Variants in CDH18 observed in about 807,000 individuals in gnomAD.
The protein encoded by CDH18 is cadherin-18.
A neutral mutation model predicts 67.9 loss-of-function variants in CDH18; 31 were observed. The observed-to-expected ratio is 0.46, with a 90% CI of 0.34 to 0.62. The LOEUF (loss-of-function observed/expected upper bound fraction) is 0.62, where lower values mean the gene tolerates loss of function less well. Among genes scored for constraint, CDH18 ranks in the 20% least tolerant of loss-of-function variants. The pLI is 0.01. For synonymous variants in CDH18, 362 were observed against 347.2 expected (o/e 1.04, Z -0.48); for missense variants, 890 against 975.5 (o/e 0.91, Z 1.17).
intron 5 of CDH18, among the ~76,000 whole-genome samples, chr5:19,628,149 C>A (rs1751834843): frequency 6.6e-6 from 1 of 152,078 alleles, no homozygotes; most frequent in South Asian, 2.1e-4. Context: ...CTAAGTCTCA[C>A]GAGATCTGAT....
intron 5 of CDH18, among the ~76,000 whole-genome samples, chr5:19,683,729 A>G (rs1020980615): frequency 6.6e-6 from 1 of 152,110 alleles, no homozygotes; most frequent in Non-Finnish European, 1.5e-5. Context: ...ATGATCCTCA[A>G]CTTTGCACTT....
chr5:19,684,067 C>G lies in CDH18; in HGVS notation c.643+37280G>C, dbSNP rs150557739. 3.9e-5 allele frequency among the ~76,000 whole-genome samples: 6 copies of G among 152,132 alleles called. No homozygotes were observed. In the East Asian group the frequency reaches 1.2e-3, roughly 29 times the overall value. ...CCTTTTATATCAACTTCTCCGTGCC[C>G]CCAGTTCATTTGATTTTCCTTTCTA... On this transcript the variant is annotated intron_variant, in intron 5 of 12. Transcript: ENST00000382275.
chr5:19,590,234 G>C (rs1160423571), intron 7 of CDH18, among the ~76,000 whole-genome samples: 1 of 151,806 alleles, frequency 6.6e-6, no homozygotes, highest in African/African-American at 2.4e-5. Flanking sequence ...TTGACAATTT[G>C]AGAAAAAAAA....
chr5:19,984,783 C>T (rs1799397094), intron 1 of CDH18, among the ~76,000 whole-genome samples: 2 of 152,168 alleles, frequency 1.3e-5, no homozygotes, highest in Admixed American at 1.3e-4. Flanking sequence ...AGTATGCACC[C>T]TCTGCCATGT....
At chr5:19,684,554 A>C (rs1001021031) in intron 5 of CDH18, among the ~76,000 whole-genome samples, 2 of 151,458 alleles carry the variant, frequency 1.3e-5, no homozygotes, top group Admixed American at 1.3e-4. Flanking sequence ...TATGTAAACT[A>C]TAGCTTTTTT....
chr5:19,901,263 A>G (rs1476149883), intron 2 of CDH18, among the ~76,000 whole-genome samples: 1 of 152,112 alleles, frequency 6.6e-6, no homozygotes, highest in Non-Finnish European at 1.5e-5. Flanking sequence ...AATGCCATTG[A>G]TAATTTTAGT....
At chr5:20,242,265 AC>A (rs1742985555) in intron 2 of CDH18, among the ~76,000 whole-genome samples, 1 of 152,024 alleles carries the variant, frequency 6.6e-6, no homozygotes, top group Admixed American at 6.6e-5. Context: ...TTATCACCTA[AC>A]GTGATTATCA....
At chr5:20,222,436 A>G (rs1467751480) in intron 2 of CDH18, among the ~76,000 whole-genome samples, 1 of 152,166 alleles carries the variant, frequency 6.6e-6, no homozygotes, top group Non-Finnish European at 1.5e-5. Flanking sequence ...TAAATGTTGT[A>G]TATGGTATAT....
At chr5:19,968,092 T>C (rs1025807331) in intron 2 of CDH18, among the ~76,000 whole-genome samples, 22 of 151,412 alleles carry the variant, frequency 1.5e-4, no homozygotes, top group Middle Eastern at 3.2e-3. Flanking sequence ...CCATTCACAA[T>C]TGCTTCAAAG....
intron 1 of CDH18, among the ~76,000 whole-genome samples, chr5:20,463,669 A>T (rs1185461762): frequency 6.6e-6 from 1 of 152,158 alleles, no homozygotes; most frequent in Non-Finnish European, 1.5e-5. Context: ...ACACATGAGG[A>T]CAATGGGGAT....
intron 1 of CDH18, among the ~76,000 whole-genome samples, chr5:20,280,047 A>T (rs1022261414): frequency 6.6e-6 from 1 of 152,142 alleles, no homozygotes; most frequent in African/African-American, 2.4e-5. Flanking sequence ...GAATCAAACT[A>T]GAAATAAAAA....
chr5:19,632,957 C>T (rs1367873899), intron 5 of CDH18, among the ~76,000 whole-genome samples: 1 of 152,110 alleles, frequency 6.6e-6, no homozygotes, highest in East Asian at 1.9e-4. Context: ...CGTTTTCAGA[C>T]TCTTGGAGGA....
chr5:19,702,744 G>A (rs948498037), intron 5 of CDH18, among the ~76,000 whole-genome samples: 8 of 152,012 alleles, frequency 5.3e-5, no homozygotes, highest in African/African-American at 1.2e-4. Flanking sequence ...CTGGCCATAA[G>A]CAGGCCCCAA....
At chr5:20,437,742 A>C (rs1036463326) in intron 1 of CDH18, among the ~76,000 whole-genome samples, 1 of 151,386 alleles carries the variant, frequency 6.6e-6, no homozygotes, top group Non-Finnish European at 1.5e-5. Flanking sequence ...TTTTAAAACA[A>C]AGATAAGTTT....
rs1363963209 is a variant in CDH18 at position 20,258,702 on chromosome 5, G to A, written c.-579-3197C>T. ...CAATTCTTACAACATGGATGGTTTT[G>A]ATTATCATTACTTTCATACTTACAT... On this transcript the variant is annotated intron_variant, in intron 1 of 14. Coordinates refer to the CDH18 transcript ENST00000507958. Among the ~76,000 whole-genome samples, 5 of 151,834 alleles carry A rather than the reference G, an allele frequency of 3.3e-5. No individual in the cohort carries two copies. The East Asian group carries it at 9.7e-4, about 29-fold the overall frequency.
At chr5:20,028,277 T>C (rs1739092882) in intron 2 of CDH18, among the ~76,000 whole-genome samples, 1 of 152,162 alleles carries the variant, frequency 6.6e-6, no homozygotes, top group Admixed American at 6.5e-5. Flanking sequence ...TATGAAAACA[T>C]TAAATTGTTT....
chr5:19,819,440 T>G (rs188560415), intron 3 of CDH18, among the ~76,000 whole-genome samples: 1 of 152,136 alleles, frequency 6.6e-6, no homozygotes, highest in Admixed American at 6.5e-5. Flanking sequence ...ACACTCAAAG[T>G]CAATGGAGAA....
chr5:19,963,739 G>T (rs1013982040), intron 2 of CDH18, among the ~76,000 whole-genome samples: 9 of 151,796 alleles, frequency 5.9e-5, no homozygotes, highest in African/African-American at 1.9e-4. Context: ...TTTATTAGCA[G>T]CATGAGAATG....
At chr5:20,318,309 C>T (rs929672229) in intron 1 of CDH18, among the ~76,000 whole-genome samples, 17 of 152,270 alleles carry the variant, frequency 1.1e-4, no homozygotes, top group African/African-American at 3.8e-4. Flanking sequence ...AAAAAAGTTA[C>T]TGGCACTAGT....
Sources: allele counts gnomAD v4.1 joint callset (sites outside exome capture counted in the v4.1 genomes callset), GRCh38; gene constraint gnomAD v4.1.1; transcripts MANE v1.5; gene names NCBI Gene and HGNC (gene_info 2026-07-23, HGNC 2026-07-21).